The following IGF1R variants were observed in gnomAD, a reference collection of about 807,000 sequenced individuals.
IGF1R encodes insulin-like growth factor 1 receptor.
A neutral mutation model predicts 144.6 loss-of-function variants in IGF1R; 44 were observed. That is an observed-to-expected ratio of 0.30 (90% CI 0.24 to 0.39). The LOEUF (loss-of-function observed/expected upper bound fraction) is 0.39. Among genes scored for constraint, IGF1R ranks in the 10% least tolerant of loss-of-function variants. IGF1R has a pLI of 1.00. For synonymous variants in IGF1R, 795 were observed against 722.8 expected, an observed-to-expected ratio of 1.10 and a Z score of -1.60; for missense variants, 1,355 against 1,833.7, an observed-to-expected ratio of 0.74 and a Z score of 4.77.
At chr15:98,931,357 G>T (rs1038787442) in intron 15 of IGF1R, among the ~76,000 whole-genome samples, 1 of 152,110 alleles carries the variant, frequency 6.6e-6, no homozygotes, top group Non-Finnish European at 1.5e-5. Flanking sequence ...AAAGAGACAT[G>T]ATTATTCTAA....
In IGF1R at chr15:98,940,830, A is replaced by AC. The variant is rs560161145; in HGVS notation, c.3457+1472dup. ...CATCAGAGTTCCTCATTCAGGATCC[A>AC]CCAGTGTGTCCCTAGGTTTGGCACG... On this transcript the variant is annotated intron_variant, in intron 18 of 20. Transcript: ENST00000650285. Among the ~76,000 whole-genome samples the AC allele has an allele frequency of 8.5e-5, 13 of 152,260 alleles. No individual in the cohort carries two copies. The South Asian group carries it at 1.9e-3, about 22-fold the overall frequency.
At chr15:98,923,050 TGCAGTTCTG>T (rs1229166302) in intron 11 of IGF1R, among the ~76,000 whole-genome samples, 1 of 152,170 alleles carries the variant, frequency 6.6e-6, no homozygotes, top group African/African-American at 2.4e-5. Flanking sequence ...TCCTCCTGGG[TGCAGTTCTG>T]GCACTGAAGT....
rs1221019068 is a variant in IGF1R, at chr15:98,935,019, C to T, written c.3152C>T (p.Ala1051Val). The T allele has an allele frequency of 6.2e-7, 1 of 1,614,120 alleles. No individual in the cohort carries two copies. The highest frequency in any genetic ancestry group is 2.2e-5 in the East Asian group (1 of 44,882). ...GAGAGGATTGAGTTTCTCAACGAAG[C>T]TTCTGTGATGAAGGAGTTCAATTGT... Reference protein sequence around the residue: ...MRERIEFLNEASVMKEFNCHH... With the variant: ...MRERIEFLNEVSVMKEFNCHH... The change falls in exon 16 of 21, where the codon GCT becomes GTT. Residue 1051 changes from alanine (A) to valine (V), a missense_variant. Transcript: ENST00000650285. This position sits in a 1 kb window ranked among gnomAD's most constrained non-coding sequence, Gnocchi z 4.2.
In IGF1R at chr15:98,891,611, G is replaced by A. The variant is rs772738892; in HGVS notation, c.927G>A (p.Ser309=). 8.7e-6 allele frequency: 14 copies of A among 1,602,016 alleles called. No homozygotes were observed. The highest frequency in any genetic ancestry group is 2.2e-5 in the South Asian group (2 of 91,078). ...GCGAGTGCATGCAGGAGTGCCCCTC[G>A]GGCTTCATCCGCAACGGCAGCCAGA... ...HDGECMQECP[S]GFIRNGSQSM... The change falls in exon 3 of 21, where the codon TCG becomes TCA. Residue 309 remains serine, a synonymous_variant. Transcript: ENST00000650285. This position sits in a 1 kb window ranked among gnomAD's most constrained non-coding sequence, Gnocchi z 4.7.
chr15:98,763,705 G>A (rs904729852), intron 2 of IGF1R, among the ~76,000 whole-genome samples: 2 of 152,160 alleles, frequency 1.3e-5, no homozygotes, highest in Admixed American at 1.3e-4. Context: ...GGGTTAAGTG[G>A]TTTTAACCTC....
chr15:98,924,087 T>TTAC, intron 12 of IGF1R, 75 bp downstream of exon 12: 1 of 1,401,416 alleles, frequency 7.1e-7, no homozygotes, highest in Non-Finnish European at 1.0e-6. Flanking sequence ...ACTGCACAGG[T>TTAC]TACCTCCTGG....
intron 2 of IGF1R, among the ~76,000 whole-genome samples, chr15:98,864,107 T>TA (rs1474462793): frequency 3.9e-5 from 6 of 151,948 alleles, no homozygotes; most frequent in African/African-American, 1.4e-4. Context: ...AAAAAAAAAT[T>TA]AGCCTGTCAT....
chr15:98,796,063 A>C (rs1476356417), intron 2 of IGF1R, among the ~76,000 whole-genome samples: 1 of 152,130 alleles, frequency 6.6e-6, no homozygotes, highest in African/African-American at 2.4e-5. Flanking sequence ...CAGGCAGCTC[A>C]GCTCTCAGCA....
chr15:98,964,204 A>T lies in IGF1R; in HGVS notation c.*6762A>T, dbSNP rs1054252176. On this transcript the variant is annotated 3_prime_UTR_variant, in exon 21 of 21. Coordinates refer to ENST00000650285, the MANE Select transcript of IGF1R (RefSeq NM_000875.5). ...AATGCATTTTCTGAGTTTTCTTGTTAAAAAAAAATTTTTTTAAGTAAGAAA... is the reference window on the plus strand; with the variant it reads ...AATGCATTTTCTGAGTTTTCTTGTTTAAAAAAAATTTTTTTAAGTAAGAAA... 8.7e-6 allele frequency: 2 copies of T among 228,800 alleles called. No homozygotes were observed. The highest frequency in any genetic ancestry group is 6.3e-5 in the East Asian group (1 of 15,958). 14.2% of individuals were successfully genotyped at this position (228,800 alleles called of 1,614,324 possible).
intron 13 of IGF1R, among the ~76,000 whole-genome samples, chr15:98,929,177 G>A (rs1054171929): frequency 2.0e-5 from 3 of 151,968 alleles, no homozygotes; most frequent in Admixed American, 6.6e-5. Context: ...GCTGGGTACC[G>A]GGGACATGGA....
chr15:98,676,256 A>G (rs1043871888), intron 1 of IGF1R, among the ~76,000 whole-genome samples: 2 of 150,054 alleles, frequency 1.3e-5, no homozygotes, highest in Non-Finnish European at 3.0e-5. Flanking sequence ...TTCTGCCTCA[A>G]CCTCTCGAGT....
chr15:98,841,038 G>C (rs1311856564), intron 2 of IGF1R, among the ~76,000 whole-genome samples: 1 of 152,074 alleles, frequency 6.6e-6, no homozygotes, highest in Non-Finnish European at 1.5e-5. Flanking sequence ...TGGAATTACA[G>C]GCGTGAGCCA....
chr15:98,802,989 A>G (rs953251715), intron 2 of IGF1R, among the ~76,000 whole-genome samples: 4 of 152,236 alleles, frequency 2.6e-5, no homozygotes, highest in Admixed American at 6.5e-5. Flanking sequence ...AACACAGTGA[A>G]AAAATGGTTT....
At chr15:98,954,788 C>G (rs1029644096) in intron 20 of IGF1R, among the ~76,000 whole-genome samples, 2 of 152,128 alleles carry the variant, frequency 1.3e-5, no homozygotes, top group Non-Finnish European at 2.9e-5. Flanking sequence ...TTTTTTAACC[C>G]CAATCATTTT....
chr15:98,964,271 T>C lies in IGF1R; in HGVS notation c.*6829T>C, dbSNP rs1021007701. The C allele has an allele frequency of 3.4e-5, 8 of 232,086 alleles. No homozygotes were observed. The highest frequency in any genetic ancestry group is 1.7e-4 in the Admixed American group (3 of 17,624). The allele number at this position is 232,086 out of a possible 1,614,324, so 14.4% of individuals were successfully genotyped here. A position where few individuals can be genotyped will look rare whatever the true frequency, so the allele number is the denominator to read the frequency against. ...TGGCCAATTTGTTACATAAAATGAC[T>C]TTCTGTGTATAAATTATTCCTAAAA... On this transcript the variant is annotated 3_prime_UTR_variant, in exon 21 of 21. Transcript: ENST00000650285.
At chr15:98,782,845 A>G (rs922434839) in intron 2 of IGF1R, among the ~76,000 whole-genome samples, 3 of 152,204 alleles carry the variant, frequency 2.0e-5, no homozygotes, top group East Asian at 1.9e-4. Context: ...TATTGTTTTC[A>G]TAGTATATAA....
chr15:98,866,504 C>A (rs541970969), intron 2 of IGF1R, among the ~76,000 whole-genome samples: 5 of 152,314 alleles, frequency 3.3e-5, no homozygotes, highest in African/African-American at 1.2e-4. Context: ...GAAACAGACT[C>A]TTGTTATTAA....
chr15:98,711,602 C>T (rs563734681), intron 2 of IGF1R, among the ~76,000 whole-genome samples: 2 of 152,240 alleles, frequency 1.3e-5, no homozygotes, highest in East Asian at 3.9e-4. Context: ...ACAGTGGTTT[C>T]CTTTCAGTAA....
intron 10 of IGF1R, among the ~76,000 whole-genome samples, chr15:98,920,269 C>T (rs1012035423): frequency 6.6e-6 from 1 of 152,184 alleles, no homozygotes; most frequent in Non-Finnish European, 1.5e-5. Context: ...TCCCCTGTTC[C>T]TGCCTTCCAG....
Sources: allele counts gnomAD v4.1 joint callset (sites outside exome capture counted in the v4.1 genomes callset), GRCh38; gene constraint gnomAD v4.1.1; non-coding constraint Gnocchi (gnomAD v3.1); transcripts MANE v1.5; gene names NCBI Gene and HGNC (gene_info 2026-07-23, HGNC 2026-07-21).